The following HINT3 variants were observed in gnomAD, a reference collection of about 807,000 sequenced individuals.
The protein encoded by HINT3 is adenosine 5'-monophosphoramidase HINT3.
In HINT3, 16 loss-of-function variants were observed where a neutral mutation model predicts 19.1. That is an observed-to-expected ratio of 0.84 (90% confidence interval 0.57 to 1.27). HINT3 has a LOEUF of 1.27. HINT3 is among the 50% of genes most tolerant of loss of function. The pLI is 0.00. For synonymous variants in HINT3, 75 were observed against 84.8 expected (o/e 0.88, Z 0.63); for missense variants, 197 against 225.8 (o/e 0.87, Z 0.82).
At chr6:125,960,679 T>G (rs1212168992) in intron 1 of HINT3, among the ~76,000 whole-genome samples, 3 of 135,786 alleles carry the variant, frequency 2.2e-5, no homozygotes, top group Non-Finnish European at 3.2e-5. Flanking sequence ...AAAAAAGAAG[T>G]TAGGGCAAGC....
In HINT3 at chr6:125,962,226, A is replaced by G. The variant is rs1207546876; in HGVS notation, c.202-4661A>G. 1.3e-4 allele frequency among the ~76,000 whole-genome samples: 5 copies of G among 39,514 alleles called. 1 individual carries two copies. The highest frequency in any genetic ancestry group is 7.4e-4 in the African/African-American group (4 of 5,384). 25.9% of individuals were successfully genotyped at this position (39,514 alleles called of 152,430 possible). On this transcript the variant is annotated intron_variant, in intron 1 of 4. Coordinates refer to ENST00000229633, the MANE Select transcript of HINT3 (RefSeq NM_138571.5). ...TATATATATACACATATATATATAT[A>G]TATATATACACATATATATATATAC...
At position 125,976,558 on chromosome 6, in the gene HINT3, CT is replaced by C. The variant is rs201793327; in HGVS notation, c.517-1077del. 1.3e-3 allele frequency among the ~76,000 whole-genome samples: 152 copies of C among 115,094 alleles called. 1 individual carries two copies. Among genetic ancestry groups the C allele is most frequent in the Middle Eastern group, 5.8e-3 (1 of 172 alleles). 75.5% of individuals were successfully genotyped at this position (115,094 alleles called of 152,430 possible). A position where few individuals can be genotyped will look rare whatever the true frequency, so the allele number is the denominator to read the frequency against. On this transcript the variant is annotated intron_variant, in intron 4 of 4. Transcript: ENST00000229633. ...TGCAAAGTTTGTGTAATAGAAAATG[CT>C]TTTTTTTTATATTTGTATTTCTAAT...
intron 1 of HINT3, among the ~76,000 whole-genome samples, chr6:125,961,674 C>T (rs1788928737): frequency 6.6e-6 from 1 of 152,176 alleles, no homozygotes; most frequent in East Asian, 1.9e-4. Flanking sequence ...GCTTCCATGT[C>T]CTCCTCAGGC....
chr6:125,964,947 G>A (rs549191384), intron 1 of HINT3, among the ~76,000 whole-genome samples: 2 of 152,228 alleles, frequency 1.3e-5, no homozygotes, highest in South Asian at 2.1e-4. Flanking sequence ...TCAGGGTGTA[G>A]GCTAACTAAA....
At chr6:125,962,267 T>C (rs1236319335) in intron 1 of HINT3, among the ~76,000 whole-genome samples, 5 of 47,880 alleles carry the variant, frequency 1.0e-4, no homozygotes, top group Non-Finnish European at 1.7e-4. Context: ...TATATATATA[T>C]ATACATACAT....
At chr6:125,962,233 T>TAC (rs1260784566) in intron 1 of HINT3, among the ~76,000 whole-genome samples, 832 of 20,650 alleles carry the variant, frequency 0.04, 71 homozygotes, top group Non-Finnish European at 0.048. Flanking sequence ...TATATATATA[T>TAC]ACACATATAT....
At chr6:125,968,265 T>C (rs1789046043) in intron 2 of HINT3, among the ~76,000 whole-genome samples, 1 of 152,208 alleles carries the variant, frequency 6.6e-6, no homozygotes, top group South Asian at 2.1e-4. Context: ...ACACAGAGTG[T>C]TTGGTTTTCT....
intron 4 of HINT3, among the ~76,000 whole-genome samples, chr6:125,975,249 C>G (rs1479507352): frequency 1.3e-5 from 2 of 152,122 alleles, no homozygotes; most frequent in Non-Finnish European, 2.9e-5. Flanking sequence ...ACTCTGGAGT[C>G]AGATCTGGAT....
Position 125,966,871 on chromosome 6 carries a change from ATGTT to A in HINT3, c.202-14_202-11del. ...ATTCTTTTTAAAAATTCACTAACAA[ATGTT>A]TTTTCCTTTAGAATGAGGACCTAAT... On this transcript the variant is annotated splice_polypyrimidine_tract_variant and intron_variant, in intron 1 of 4. Coordinates refer to ENST00000229633, the MANE Select transcript of HINT3 (RefSeq NM_138571.5). The A allele has an allele frequency of 6.6e-7, 1 of 1,518,438 alleles. No homozygotes were observed. The highest frequency in any genetic ancestry group is 1.1e-5 in the South Asian group (1 of 87,412). The allele number at this position is 1,518,438 out of a possible 1,614,324, so 94.1% of individuals were successfully genotyped here. A position where few individuals can be genotyped will look rare whatever the true frequency, so the allele number is the denominator to read the frequency against.
At chr6:125,961,062 A>G (rs572725021) in intron 1 of HINT3, among the ~76,000 whole-genome samples, 4 of 152,298 alleles carry the variant, frequency 2.6e-5, no homozygotes, top group Admixed American at 2.0e-4. Context: ...CCAGACTTCT[A>G]TCACATCCAA....
chr6:125,961,524 T>G (rs186660802), intron 1 of HINT3, among the ~76,000 whole-genome samples: 69 of 152,252 alleles, frequency 4.5e-4, no homozygotes, highest in African/African-American at 1.6e-3. Context: ...CCCACAAGCT[T>G]CTCTTTGGGT....
In HINT3 at chr6:125,967,019, G is replaced by GT; in HGVS notation, c.319+16dup. 1 of 1,426,528 alleles carries GT rather than the reference G, an allele frequency of 7.0e-7. No individual in the cohort carries two copies. The highest frequency in any genetic ancestry group is 9.8e-7 in the Non-Finnish European group (1 of 1,017,080). The allele number at this position is 1,426,528 out of a possible 1,614,324, so 88.4% of individuals were successfully genotyped here. On this transcript the variant is annotated intron_variant, in intron 2 of 4. Transcript: ENST00000229633. ...AGTAGAACTGGGTAAGATGATGGCA[G>GT]TATTCTTCATGTTTATATCATTTTC...
At chr6:125,967,326 C>CTTTTTTTTTTTTTTTTTTTTTTTTTT (rs537273461) in intron 2 of HINT3, among the ~76,000 whole-genome samples, 1 of 95,188 alleles carries the variant, frequency 1.1e-5, no homozygotes, top group Non-Finnish European at 2.0e-5. Context: ...ATTTTTATGA[C>CTTTTTTTTTTTTTTTTTTTTTTTTTT]TTTTTTTTTT....
At chr6:125,967,278 C>G (rs1789032318) in intron 2 of HINT3, among the ~76,000 whole-genome samples, 1 of 150,394 alleles carries the variant, frequency 6.6e-6, no homozygotes. Flanking sequence ...AACCAGACAT[C>G]ATGCTATTTA....
At chr6:125,964,737 TACACACACAC>T (rs3083382) in intron 1 of HINT3, among the ~76,000 whole-genome samples, 61,343 of 148,372 alleles carry the variant, frequency 0.41, 13,921 homozygotes, top group East Asian at 0.9. Context: ...AATAGTTTTA[TACACACACAC>T]ACACACACAC....
intron 1 of HINT3, among the ~76,000 whole-genome samples, chr6:125,962,215 T>TATATATATATATATATACAC (rs1788942841): frequency 9.3e-5 from 2 of 21,402 alleles, no homozygotes; most frequent in Admixed American, 6.3e-4. Flanking sequence ...TATATACACA[T>TATATATATATATATATACAC]ATATATATAT....
intron 2 of HINT3, among the ~76,000 whole-genome samples, chr6:125,970,049 T>A (rs1361053217): frequency 1.3e-5 from 2 of 152,154 alleles, no homozygotes; most frequent in East Asian, 3.8e-4. Flanking sequence ...CTGGGATTAG[T>A]TTGATCAATA....
chr6:125,969,542 A>T (rs1238502050), intron 2 of HINT3, among the ~76,000 whole-genome samples: 1 of 152,032 alleles, frequency 6.6e-6, no homozygotes, highest in African/African-American at 2.4e-5. Context: ...GTGAAAAATG[A>T]TGTTGGTAGT....
intron 2 of HINT3, among the ~76,000 whole-genome samples, chr6:125,968,281 T>C (rs1283390598): frequency 1.3e-5 from 2 of 152,246 alleles, no homozygotes; most frequent in Non-Finnish European, 2.9e-5. Context: ...TTTCTGTTCC[T>C]GTGTAATTCA....
Sources: gnomAD v4.1 joint callset for allele counts (sites outside exome capture counted in the v4.1 genomes callset) on GRCh38, gnomAD v4.1.1 for gene constraint, MANE v1.5 for transcripts, NCBI Gene and HGNC (gene_info 2026-07-23, HGNC 2026-07-21) for gene names.